The following PTBP2 variants were observed in gnomAD, a reference collection of about 807,000 sequenced individuals.
The protein encoded by PTBP2 is polypyrimidine tract-binding protein 2.
In PTBP2, 13 loss-of-function variants were observed where a neutral mutation model predicts 61.4. The ratio of observed to expected loss-of-function variants is 0.21; its 90% CI spans 0.14 to 0.34. The LOEUF (loss-of-function observed/expected upper bound fraction) is 0.34. Ranked by LOEUF, PTBP2 falls within the 10% of genes least tolerant of loss-of-function variation. The pLI is 1.00. For synonymous variants in PTBP2, 215 were observed against 218.5 expected (o/e 0.98, Z 0.14); for missense variants, 405 against 642.6 (o/e 0.63, Z 4.00).
chr1:96,773,945 A>G (rs1657697680), intron 5 of PTBP2, among the ~76,000 whole-genome samples: 1 of 146,122 alleles, frequency 6.8e-6, no homozygotes, highest in Non-Finnish European at 1.5e-5. Context: ...CCTGGGCGAC[A>G]GAGCGAGACT....
At chr1:96,819,497 G>GTTTT (rs1026107739), downstream of PTBP2, 1 of 151,730 alleles carries the variant, frequency 6.6e-6, no homozygotes, top group Non-Finnish European at 1.5e-5. Flanking sequence ...TTATTTCTCT[G>GTTTT]TTTTTCTTCC....
At chr1:96,722,317 G>C (rs1649703463) in intron 1 of PTBP2, among the ~76,000 whole-genome samples, 1 of 152,062 alleles carries the variant, frequency 6.6e-6, no homozygotes. Context: ...AGGGGAAGAG[G>C]AGAGAGGCAC....
chr1:96,777,887 A>G lies in PTBP2; in HGVS notation c.649A>G (p.Asn217Asp). 2 of 1,594,712 alleles carry G rather than the reference A, an allele frequency of 1.3e-6. No individual in the cohort carries two copies. The highest frequency in any genetic ancestry group is 1.7e-6 in the Non-Finnish European group (2 of 1,169,654). Reference sequence around the variant, plus strand: ...GAAGATAATCACATTTACAAAAAATAACCAGTTTCAAGCTTTGCTCCAGTA... The same window carrying G: ...GAAGATAATCACATTTACAAAAAATGACCAGTTTCAAGCTTTGCTCCAGTA... The part of the protein sequence containing the change: ...VLKIITFTKN[N>D]QFQALLQYGD... The change falls in exon 7 of 14, where the codon AAC becomes GAC. Residue 217 changes from asparagine (N) to aspartate (D), a missense_variant. Physicochemically the swap from Asn to Asp is conservative, Grantham distance 23. Around this residue, in one of 4 missense-constraint regions of PTBP2, gnomAD observed 342 missense variants for 491.2 expected, o/e 0.70. Transcript: ENST00000674951.
At chr1:96,788,463 A>G (rs1343178543) in intron 8 of PTBP2, among the ~76,000 whole-genome samples, 6 of 152,112 alleles carry the variant, frequency 3.9e-5, no homozygotes, top group East Asian at 3.9e-4. Context: ...GTTTATGGTG[A>G]TATCCAATAT....
At chr1:96,743,909 G>A (rs917767036) in intron 2 of PTBP2, among the ~76,000 whole-genome samples, 1 of 152,116 alleles carries the variant, frequency 6.6e-6, no homozygotes, top group African/African-American at 2.4e-5. Flanking sequence ...TAAAAACACG[G>A]TGGCTAAAGC....
chr1:96,738,234 G>GTA (rs10533173), intron 2 of PTBP2, among the ~76,000 whole-genome samples: 117 of 151,476 alleles, frequency 7.7e-4, no homozygotes, highest in African/African-American at 2.1e-3. Context: ...AAAAGGAGTG[G>GTA]TATATATATA....
exon 14 of PTBP2, chr1:96,823,382 G>A (rs1662743613): frequency 6.6e-6 from 1 of 152,168 alleles, no homozygotes; most frequent in Non-Finnish European, 1.5e-5. Context: ...TCTGGCTTGA[G>A]AATTTTGAGA....
intron 2 of PTBP2, 96 bp downstream of exon 2, chr1:96,723,690 T>A: frequency 9.4e-7 from 1 of 1,065,336 alleles, no homozygotes; most frequent in Non-Finnish European, 1.4e-6. Context: ...ATAACGTAGC[T>A]AACAAAACCC....
exon 14 of PTBP2, chr1:96,820,095 C>A (rs907908285): frequency 2.6e-5 from 4 of 151,902 alleles, no homozygotes; most frequent in Non-Finnish European, 5.9e-5. Context: ...CATTTAAAAA[C>A]CATTATTTTC....
At chr1:96,823,280 A>G (rs1388584739) in exon 14 of PTBP2, 4 of 152,306 alleles carry the variant, frequency 2.6e-5, no homozygotes, top group Non-Finnish European at 4.4e-5. Flanking sequence ...TGTCAAGGCC[A>G]TTTTAGCCAC....
chr1:96,813,453 C>T lies in PTBP2; in HGVS notation c.*48C>T. On this transcript the variant is annotated 3_prime_UTR_variant, in exon 14 of 14. Coordinates refer to ENST00000674951, the MANE Select transcript of PTBP2 (RefSeq NM_021190.4). ...GGTGAATCACATTGTTCAATGTCAT[C>T]ACCTATTTGACTGTTCAGAAAAGTG... 1 of 1,489,926 alleles carries T rather than the reference C, an allele frequency of 6.7e-7. No homozygotes were observed. Among genetic ancestry groups the T allele is most frequent in the Non-Finnish European group, 9.0e-7 (1 of 1,110,452 alleles). The allele number at this position is 1,489,926 out of a possible 1,614,324, so 92.3% of individuals were successfully genotyped here.
intron 1 of PTBP2, among the ~76,000 whole-genome samples, chr1:96,722,444 G>C (rs977254138): frequency 6.6e-6 from 1 of 151,908 alleles, no homozygotes; most frequent in African/African-American, 2.4e-5. Flanking sequence ...CTGGGGAAGG[G>C]GGGAGGGCGT....
At chr1:96,743,492 C>T (rs950088758) in intron 2 of PTBP2, among the ~76,000 whole-genome samples, 6 of 152,096 alleles carry the variant, frequency 3.9e-5, no homozygotes, top group Admixed American at 1.3e-4. Context: ...CATCCTTTCA[C>T]CTAATAGTTT....
rs778915679 is a variant in PTBP2 at position 96,785,136 on chromosome 1, A to G, written c.786A>G (p.Val262=). The G allele has an allele frequency of 6.2e-7, 1 of 1,609,878 alleles. No individual in the cohort carries two copies. Among genetic ancestry groups the G allele is most frequent in the Non-Finnish European group, 8.5e-7 (1 of 1,177,196 alleles). Residue 262 remains valine (V), a synonymous_variant, in exon 8 of 14, where the codon GTA becomes GTG. Transcript: ENST00000674951. ...TTTCCAAACTTGTGAATTTGAATGTAAAATACAACAATGATAAAAGTAGGG... is the reference window on the plus strand; with the variant it reads ...TTTCCAAACTTGTGAATTTGAATGTGAAATACAACAATGATAAAAGTAGGG... ...IDFSKLVNLN[V]KYNNDKSRDY...
intron 3 of PTBP2, among the ~76,000 whole-genome samples, chr1:96,760,580 G>C (rs886249372): frequency 1.3e-5 from 2 of 151,462 alleles, no homozygotes; most frequent in Non-Finnish European, 2.9e-5. Flanking sequence ...TGAGTAGCTG[G>C]AACTACAGGT....
intron 1 of PTBP2, among the ~76,000 whole-genome samples, chr1:96,722,770 C>A (rs767205582): frequency 6.6e-6 from 1 of 152,134 alleles, no homozygotes; most frequent in Non-Finnish European, 1.5e-5. Context: ...TCTTTGCGAA[C>A]CTGAGTCAAG....
At chr1:96,785,296 C>T (rs983690859) in intron 8 of PTBP2, 42 bp downstream of exon 8, 3 of 1,444,848 alleles carry the variant, frequency 2.1e-6, no homozygotes, top group Non-Finnish European at 2.8e-6. Context: ...CCCATTTTGC[C>T]AAATGGAAAA....
chr1:96,726,825 C>T (rs1230990916), intron 2 of PTBP2, among the ~76,000 whole-genome samples: 6 of 152,018 alleles, frequency 3.9e-5, no homozygotes, highest in African/African-American at 7.2e-5. Flanking sequence ...CTCCATCATC[C>T]GCCCGCCTTG....
At chr1:96,724,436 A>G (rs1054375075) in intron 2 of PTBP2, among the ~76,000 whole-genome samples, 6 of 151,938 alleles carry the variant, frequency 3.9e-5, no homozygotes, top group East Asian at 3.9e-4. Context: ...TTTAGTAGAA[A>G]TGGCATTTCA....
Sources: allele counts gnomAD v4.1 joint callset (sites outside exome capture counted in the v4.1 genomes callset), GRCh38; gene constraint gnomAD v4.1.1; regional missense constraint gnomAD v4.1.1; transcripts MANE v1.5; gene names NCBI Gene and HGNC (gene_info 2026-07-23, HGNC 2026-07-21).